Variants in ZMIZ1 observed in about 807,000 individuals in gnomAD.
The protein encoded by ZMIZ1 is zinc finger MIZ domain-containing protein 1.
In ZMIZ1, 17 loss-of-function variants were observed where a neutral mutation model predicts 113.9. The ratio of observed to expected loss-of-function variants is 0.15; its 90% confidence interval spans 0.10 to 0.22. The LOEUF is 0.22. Ranked by LOEUF, ZMIZ1 falls within the 10% of genes least tolerant of loss-of-function variation. The pLI, the probability that ZMIZ1 is intolerant of heterozygous loss-of-function variation, is 1.00. For missense variants in ZMIZ1, 1,059 were observed against 1,477.8 expected (o/e 0.72, Z 4.65); for synonymous variants, 607 against 603.1 (o/e 1.01, Z -0.09).
intron 3 of ZMIZ1, among the ~76,000 whole-genome samples, chr10:79,160,568 C>A (rs942595508): frequency 6.6e-6 from 1 of 152,248 alleles, no homozygotes; most frequent in Non-Finnish European, 1.5e-5. Flanking sequence ...GCTTAAGAAA[C>A]GTGTCCAAGT....
chr10:79,125,222 C>T (rs111832186), intron 2 of ZMIZ1, among the ~76,000 whole-genome samples: 27 of 152,328 alleles, frequency 1.8e-4, no homozygotes, highest in African/African-American at 6.3e-4. Flanking sequence ...ATCTGCACAC[C>T]TCCCCCAACC....
chr10:79,225,390 G>T lies in ZMIZ1; in HGVS notation c.280+9116G>T, dbSNP rs919626964. 4.6e-5 allele frequency among the ~76,000 whole-genome samples: 7 copies of T among 152,108 alleles called. No individual in the cohort carries two copies. In the East Asian group the frequency reaches 1.3e-3, roughly 29 times the overall value. On this transcript the variant is annotated intron_variant, in intron 7 of 24. Transcript: ENST00000334512. The stretch of plus-strand genomic sequence containing the variant: ...ACCTTGTCTCCTAGTTTAGCTACAG[G>T]TGACTGCTCAATGATGGAGGGTGAG...
chr10:79,273,792 C>T (rs1299854434), intron 7 of ZMIZ1, among the ~76,000 whole-genome samples: 1 of 152,272 alleles, frequency 6.6e-6, no homozygotes, highest in Non-Finnish European at 1.5e-5. Context: ...TATCTCACTG[C>T]CAATTGCTTA....
In ZMIZ1 at chr10:79,105,314, A is replaced by C. The variant is rs1312692364; in HGVS notation, c.-336-13601A>C. The stretch of plus-strand genomic sequence containing the variant: ...GGCAGAGAAGAGAGATCTTGTGCTT[A>C]GGCAAGAGACCAGGGTCGGAAGCCG... On this transcript the variant is annotated intron_variant, in intron 1 of 24. Coordinates refer to ENST00000334512, the MANE Select transcript of ZMIZ1 (RefSeq NM_020338.4). Among the ~76,000 whole-genome samples, 3 of 152,344 alleles carry C rather than the reference A, an allele frequency of 2.0e-5. No individual in the cohort carries two copies. The South Asian group carries it at 6.2e-4, about 32-fold the overall frequency.
In ZMIZ1 at chr10:79,139,726, G is replaced by A. The variant is rs768714909; in HGVS notation, c.-182G>A. On this transcript the variant is annotated 5_prime_UTR_variant, in exon 3 of 25. Transcript: ENST00000334512. ...GTTGGCGTCGGACCAATGCTGCAAGGGGTGTGAGGAGAGGAGCCGCTGTTT... is the reference window on the plus strand; with the variant it reads ...GTTGGCGTCGGACCAATGCTGCAAGAGGTGTGAGGAGAGGAGCCGCTGTTT... 5.0e-6 allele frequency: 2 copies of A among 398,756 alleles called. No individual in the cohort carries two copies. The highest frequency in any genetic ancestry group is 8.8e-6 in the Non-Finnish European group (2 of 226,212). 24.7% of individuals were successfully genotyped at this position (398,756 alleles called of 1,614,324 possible). A position where few individuals can be genotyped will look rare whatever the true frequency, so the allele number is the denominator to read the frequency against.
At chr10:79,186,658 G>C (rs376749001) in intron 4 of ZMIZ1, among the ~76,000 whole-genome samples, 1 of 152,228 alleles carries the variant, frequency 6.6e-6, no homozygotes, top group Non-Finnish European at 1.5e-5. Context: ...TACAGCAATA[G>C]TAAATCACAG....
At chr10:79,211,288 A>T (rs547098128) in intron 6 of ZMIZ1, among the ~76,000 whole-genome samples, 1 of 151,690 alleles carries the variant, frequency 6.6e-6, no homozygotes, top group Non-Finnish European at 1.5e-5. Context: ...GGTCCCACAG[A>T]CTCCCTGGGA....
At chr10:79,205,303 C>T (rs923106935) in intron 5 of ZMIZ1, among the ~76,000 whole-genome samples, 1 of 152,224 alleles carries the variant, frequency 6.6e-6, no homozygotes. Flanking sequence ...CCCTGCCCTG[C>T]CCTGGCCCCT....
At chr10:79,176,514 T>TC (rs1846875065) in intron 4 of ZMIZ1, among the ~76,000 whole-genome samples, 1 of 152,088 alleles carries the variant, frequency 6.6e-6, no homozygotes, top group African/African-American at 2.4e-5. Context: ...GAGTCAGCCC[T>TC]CCATCCTCCT....
At chr10:79,247,596 C>A (rs1466643991) in intron 7 of ZMIZ1, among the ~76,000 whole-genome samples, 2 of 152,212 alleles carry the variant, frequency 1.3e-5, no homozygotes, top group East Asian at 1.9e-4. Context: ...GCCGCAGAGA[C>A]CCTGCTGGGT....
At chr10:79,138,472 C>G (rs1055552258) in intron 2 of ZMIZ1, among the ~76,000 whole-genome samples, 102 of 152,338 alleles carry the variant, frequency 6.7e-4, no homozygotes, top group African/African-American at 2.3e-3. Context: ...CACCCCGTCC[C>G]CAAGATGCTT....
chr10:79,195,567 G>A (rs773620734), intron 4 of ZMIZ1, among the ~76,000 whole-genome samples: 3 of 152,264 alleles, frequency 2.0e-5, no homozygotes, highest in African/African-American at 4.8e-5. Flanking sequence ...CCAGGAGCCC[G>A]GAGGCGGAGG....
chr10:79,125,785 C>G (rs1206336060), intron 2 of ZMIZ1, among the ~76,000 whole-genome samples: 6 of 152,194 alleles, frequency 3.9e-5, no homozygotes, highest in Admixed American at 3.9e-4. Flanking sequence ...ATCATTTTAC[C>G]CACCCCACTC....
chr10:79,114,310 C>T (rs925838598), intron 1 of ZMIZ1, among the ~76,000 whole-genome samples: 6 of 152,208 alleles, frequency 3.9e-5, no homozygotes, highest in East Asian at 3.8e-4. Context: ...AGAAATAGCA[C>T]CCATTTCGCC....
chr10:79,094,788 G>A (rs1843116175), intron 1 of ZMIZ1, among the ~76,000 whole-genome samples: 1 of 152,126 alleles, frequency 6.6e-6, no homozygotes, highest in African/African-American at 2.4e-5. Flanking sequence ...GTCTTTACCA[G>A]AAATACAAAA....
At chr10:79,221,938 A>G (rs1157278186) in intron 7 of ZMIZ1, among the ~76,000 whole-genome samples, 1 of 152,186 alleles carries the variant, frequency 6.6e-6, no homozygotes, top group African/African-American at 2.4e-5. Flanking sequence ...TCCCACCCTC[A>G]TGCTATTGGC....
intron 7 of ZMIZ1, among the ~76,000 whole-genome samples, chr10:79,276,293 A>G (rs1852283089): frequency 6.6e-6 from 1 of 152,196 alleles, no homozygotes; most frequent in Admixed American, 6.5e-5. Flanking sequence ...CTTCAGGAGG[A>G]CAGGCCAGCT....
chr10:79,298,803 C>T (rs1284569512), intron 15 of ZMIZ1, among the ~76,000 whole-genome samples: 6 of 152,186 alleles, frequency 3.9e-5, no homozygotes, highest in East Asian at 1.9e-4. Context: ...AAAATCTATA[C>T]GCAGCCATGG....
chr10:79,238,826 G>A (rs906204237), intron 7 of ZMIZ1, among the ~76,000 whole-genome samples: 2 of 152,228 alleles, frequency 1.3e-5, no homozygotes, highest in Admixed American at 1.3e-4. Flanking sequence ...AGGTCTGGTG[G>A]TGAGGATTGT....
Sources: allele counts gnomAD v4.1 joint callset (sites outside exome capture counted in the v4.1 genomes callset), GRCh38; gene constraint gnomAD v4.1.1; transcripts MANE v1.5; gene names NCBI Gene and HGNC (gene_info 2026-07-23, HGNC 2026-07-21).